VIT: variants seen among roughly 807,000 people sequenced by gnomAD.
The protein encoded by VIT is vitrin.
Under a neutral mutation model 78.0 loss-of-function variants are expected in VIT, and 99 were observed. The observed-to-expected ratio is 1.27, with a 90% CI of 1.08 to 1.50. The LOEUF is 1.50. VIT is among the 40% of genes most tolerant of loss of function. VIT has a pLI of 0.00. For synonymous variants in VIT, 374 were observed against 334.3 expected (o/e 1.12, Z -1.29); for missense variants, 1,126 against 875.3 (o/e 1.29, Z -3.61).
intron 1 of VIT, among the ~76,000 whole-genome samples, chr2:36,703,717 C>T (rs923632905): frequency 2.0e-5 from 3 of 152,096 alleles, no homozygotes; most frequent in Non-Finnish European, 4.4e-5. Flanking sequence ...TGTGTTTTAA[C>T]AATTGTCAGC....
chr2:36,702,494 T>G (rs887658263), intron 1 of VIT, among the ~76,000 whole-genome samples: 1 of 152,164 alleles, frequency 6.6e-6, no homozygotes, highest in Non-Finnish European at 1.5e-5. Flanking sequence ...TACGTGATCC[T>G]TAAAAACGTA....
rs776410534 is a variant in VIT, at chr2:36,805,524, G to A, written c.1249G>A (p.Val417Met). Residue 417 changes from valine (V) to methionine (M), a missense_variant, in exon 14 of 16, where the codon GTG (valine) becomes ATG (methionine). By Grantham distance (21) the Val-to-Met change is conservative. Transcript: ENST00000379242. ...GGCTCCCAATGTGGTGGTGGTGATG[G>A]TGGATGGCTGGCCCACGGACAAAGT... is the stretch of plus-strand genomic sequence containing the variant. ...SGAPNVVVVMVDGWPTDKVEE... is the reference protein window; with the variant it reads ...SGAPNVVVVMMDGWPTDKVEE... 4 of 1,614,130 alleles carry A rather than the reference G, an allele frequency of 2.5e-6. No homozygotes were observed. The South Asian group carries it at 4.4e-5, about 18-fold the overall frequency.
chr2:36,750,126 G>A (rs746866677), intron 4 of VIT, among the ~76,000 whole-genome samples: 2 of 152,128 alleles, frequency 1.3e-5, no homozygotes, highest in South Asian at 2.1e-4. Flanking sequence ...TCCAGACTAC[G>A]GAATAAAAAT....
chr2:36,729,557 T>A (rs1230289967), intron 3 of VIT, 66 bp downstream of exon 3: 1 of 1,507,438 alleles, frequency 6.6e-7, no homozygotes, highest in Non-Finnish European at 9.0e-7. Flanking sequence ...GTTATTATAC[T>A]TGTTTTAGGT....
Position 36,755,002 on chromosome 2 carries a change from C to T in VIT, c.357C>T (p.Asn119=), listed in dbSNP as rs967209462. The T allele has an allele frequency of 2.5e-5, 40 of 1,614,060 alleles. No individual in the cohort carries two copies. The highest frequency in any genetic ancestry group is 1.6e-4 in the Middle Eastern group (1 of 6,084). ...CTGGTTACAAAGGGAGTTATTCCAA[C>T]GGTGTCCAATCGTTATCCCTACCAC... ...GQSGYKGSYS[N]GVQSLSLPRW... is the part of the protein sequence containing the mutation. The change falls in exon 5 of 16, where the codon AAC becomes AAT. Residue 119 remains asparagine (N), a synonymous_variant. Transcript: ENST00000379242.
chr2:36,731,366 C>T (rs566678343), intron 3 of VIT, among the ~76,000 whole-genome samples: 2 of 152,006 alleles, frequency 1.3e-5, no homozygotes, highest in Admixed American at 6.6e-5. Flanking sequence ...CTCCACCTCC[C>T]GGGTTCAAGT....
intron 14 of VIT, among the ~76,000 whole-genome samples, chr2:36,806,785 G>C (rs181233275): frequency 1.1e-3 from 173 of 152,060 alleles, no homozygotes; most frequent in African/African-American, 4.1e-3. Context: ...GGATGGTCTC[G>C]ATCTCCTGAC....
chr2:36,788,116 T>C (rs1292504989), intron 12 of VIT: 4 of 257,282 alleles, frequency 1.6e-5, no homozygotes, highest in East Asian at 1.4e-4. Context: ...CCAAGAATCA[T>C]TGAGGGCAGG....
At chr2:36,781,845 A>G in intron 10 of VIT, 74 bp downstream of exon 10, 2 of 1,573,506 alleles carry the variant, frequency 1.3e-6, no homozygotes, top group Non-Finnish European at 8.7e-7. Context: ...GAGTCTAATA[A>G]TCCAGCTGGC....
At chr2:36,750,243 C>T (rs1001956747) in intron 4 of VIT, among the ~76,000 whole-genome samples, 5 of 152,240 alleles carry the variant, frequency 3.3e-5, no homozygotes, top group African/African-American at 9.6e-5. Context: ...TCTACGCACA[C>T]GTGTTTGCAC....
At chr2:36,719,787 A>T (rs1666381118) in intron 2 of VIT, among the ~76,000 whole-genome samples, 1 of 152,176 alleles carries the variant, frequency 6.6e-6, no homozygotes, top group African/African-American at 2.4e-5. Flanking sequence ...AATAAATTTT[A>T]AAAATTATCC....
chr2:36,761,860 T>G (rs1669143665), intron 6 of VIT, among the ~76,000 whole-genome samples: 1 of 152,200 alleles, frequency 6.6e-6, no homozygotes, highest in Non-Finnish European at 1.5e-5. Context: ...CAGTACTTTC[T>G]CTGTGCCACA....
intron 1 of VIT, among the ~76,000 whole-genome samples, chr2:36,704,816 G>C (rs1665309268): frequency 1.3e-5 from 2 of 152,110 alleles, no homozygotes; most frequent in African/African-American, 4.8e-5. Context: ...GAGCAGCAGA[G>C]GGGAGGGTGT....
intron 4 of VIT, among the ~76,000 whole-genome samples, chr2:36,747,904 A>G (rs1019883065): frequency 6.6e-6 from 1 of 152,036 alleles, no homozygotes; most frequent in African/African-American, 2.4e-5. Context: ...TTTCATTTCC[A>G]TGTTTAGAAC....
At position 36,791,124 on chromosome 2, in the gene VIT, G is replaced by A. The variant is rs139632734; in HGVS notation, c.1058+3848G>A. On this transcript the variant is annotated intron_variant, in intron 12 of 15. Coordinates refer to ENST00000379242, the MANE Select transcript of VIT (RefSeq NM_053276.4). ...ATTGGAAACAGTTGTGGGATGAAGGGAACTGTTGGTTTTTTCTTCATTTGA... is the reference window on the plus strand; with the variant it reads ...ATTGGAAACAGTTGTGGGATGAAGGAAACTGTTGGTTTTTTCTTCATTTGA... Among the ~76,000 whole-genome samples the A allele has an allele frequency of 2.2e-4, 34 of 152,312 alleles. 1 individual carries two copies. The East Asian group carries it at 5.2e-3, about 23-fold the overall frequency.
intron 13 of VIT, among the ~76,000 whole-genome samples, chr2:36,804,598 G>A (rs1023286118): frequency 1.8e-4 from 28 of 152,180 alleles, no homozygotes; most frequent in African/African-American, 5.6e-4. Flanking sequence ...TTGGGAGGCC[G>A]AGGCAGGCAG....
intron 3 of VIT, 90 bp downstream of exon 3, chr2:36,729,581 G>T: frequency 7.2e-7 from 1 of 1,397,752 alleles, no homozygotes. Flanking sequence ...TTTTGTTTTG[G>T]TTTGGTTTTT....
chr2:36,709,011 ATGG>A (rs565065108), intron 1 of VIT, among the ~76,000 whole-genome samples: 47 of 152,258 alleles, frequency 3.1e-4, no homozygotes, highest in African/African-American at 1.1e-3. Context: ...TTAGCCAGGT[ATGG>A]TGGTGGATGC....
At chr2:36,787,951 C>T (rs1665221494) in intron 12 of VIT, 1 of 346,858 alleles carries the variant, frequency 2.9e-6, no homozygotes, top group Non-Finnish European at 5.7e-6. Context: ...CATCCAGTCT[C>T]AATCTTTCAT....
Sources: allele counts gnomAD v4.1 joint callset (sites outside exome capture counted in the v4.1 genomes callset), GRCh38; gene constraint gnomAD v4.1.1; transcripts MANE v1.5; gene names NCBI Gene and HGNC (gene_info 2026-07-23, HGNC 2026-07-21).